The following DCLK2 variants were observed in gnomAD, a reference collection of about 807,000 sequenced individuals.
The protein encoded by DCLK2 is doublecortin like kinase 2.
In DCLK2, 31 loss-of-function variants were observed where a neutral mutation model predicts 78.4. That is an observed-to-expected ratio of 0.40 (90% CI 0.30 to 0.53). DCLK2 has a LOEUF of 0.53. DCLK2 is among the 20% of genes least tolerant of loss of function. DCLK2 has a pLI of 0.61. For synonymous variants in DCLK2, 407 were observed against 374.9 expected (o/e 1.09, Z -0.99); for missense variants, 872 against 973.7 (o/e 0.90, Z 1.39).
intron 2 of DCLK2, among the ~76,000 whole-genome samples, chr4:150,181,994 T>G (rs76789358): frequency 0.021 from 3,177 of 152,248 alleles, 108 homozygotes; most frequent in African/African-American, 0.072. Flanking sequence ...AAGGACCAAA[T>G]GATTTACCTT....
chr4:150,198,142 C>T lies in DCLK2; in HGVS notation c.961+39C>T, dbSNP rs368290083. 6 of 1,540,296 alleles carry T rather than the reference C, an allele frequency of 3.9e-6. No homozygotes were observed. In the Admixed American group the frequency reaches 9.2e-5, roughly 24 times the overall value. ...AAGGAATAGATGGTCATAGCAGGAACAGATCATTTTCCTTCTGTTTTCTCT... is the reference window on the plus strand; with the variant it reads ...AAGGAATAGATGGTCATAGCAGGAATAGATCATTTTCCTTCTGTTTTCTCT... On this transcript the variant is annotated intron_variant, in intron 4 of 15. Coordinates refer to ENST00000296550, the MANE Select transcript of DCLK2 (RefSeq NM_001040260.4).
At chr4:150,226,631 A>T (rs1741639530) in intron 8 of DCLK2, among the ~76,000 whole-genome samples, 1 of 152,206 alleles carries the variant, frequency 6.6e-6, no homozygotes. Flanking sequence ...CAAAAAATTT[A>T]CACTAAGGGC....
intron 2 of DCLK2, among the ~76,000 whole-genome samples, chr4:150,191,802 A>G (rs72967244): frequency 0.022 from 3,289 of 152,304 alleles, 107 homozygotes; most frequent in African/African-American, 0.07. Context: ...GACCTGAGCC[A>G]TCTACATTGT....
chr4:150,251,871 T>C (rs1744185537), intron 15 of DCLK2, among the ~76,000 whole-genome samples: 1 of 151,518 alleles, frequency 6.6e-6, no homozygotes, highest in African/African-American at 2.4e-5. Flanking sequence ...GCTGCGTTTA[T>C]GTGGCCACCC....
At chr4:150,125,308 C>T (rs567135230) in intron 2 of DCLK2, among the ~76,000 whole-genome samples, 1 of 152,262 alleles carries the variant, frequency 6.6e-6, no homozygotes, top group East Asian at 1.9e-4. Context: ...AGTTTTACCA[C>T]TCTATAATTA....
At chr4:150,148,339 TGGGCAA>T (rs1734627955) in intron 2 of DCLK2, among the ~76,000 whole-genome samples, 1 of 148,322 alleles carries the variant, frequency 6.7e-6, no homozygotes, top group Non-Finnish European at 1.5e-5. Flanking sequence ...CACTCCAGCC[TGGGCAA>T]CACAGCAAGA....
At chr4:150,130,580 T>TGGA (rs771231192) in intron 2 of DCLK2, among the ~76,000 whole-genome samples, 24 of 151,986 alleles carry the variant, frequency 1.6e-4, no homozygotes, top group Non-Finnish European at 3.4e-4. Flanking sequence ...GGGAGAAATT[T>TGGA]GGAGATGGAG....
intron 2 of DCLK2, 97 bp from the exon 3 acceptor site, chr4:150,193,041 A>C (rs1738586044): frequency 1.4e-6 from 1 of 735,404 alleles, no homozygotes; most frequent in Non-Finnish European, 2.3e-6. Flanking sequence ...TTCCACTTCA[A>C]TACTTAAAAT....
At chr4:150,192,599 CTGG>C (rs1336923975) in intron 2 of DCLK2, among the ~76,000 whole-genome samples, 1 of 151,820 alleles carries the variant, frequency 6.6e-6, no homozygotes, top group Non-Finnish European at 1.5e-5. Flanking sequence ...CTTGATAATG[CTGG>C]TGGTAGGGAT....
intron 2 of DCLK2, among the ~76,000 whole-genome samples, chr4:150,153,380 C>A (rs7662296): frequency 0.35 from 53,404 of 151,570 alleles, 9,954 homozygotes; most frequent in African/African-American, 0.49. Context: ...CAGCCTTGAT[C>A]CCTATTTGTG....
chr4:150,126,698 T>C (rs1420990840), intron 2 of DCLK2, among the ~76,000 whole-genome samples: 1 of 152,230 alleles, frequency 6.6e-6, no homozygotes, highest in African/African-American at 2.4e-5. Context: ...ATGCCCTCCA[T>C]CCAGCCTCCC....
chr4:150,224,044 G>C (rs1226577972), intron 7 of DCLK2, among the ~76,000 whole-genome samples: 1 of 151,996 alleles, frequency 6.6e-6, no homozygotes, highest in African/African-American at 2.4e-5. Flanking sequence ...TTTACATATA[G>C]AAAAACTATT....
intron 5 of DCLK2, among the ~76,000 whole-genome samples, chr4:150,219,645 G>A (rs966937502): frequency 6.6e-6 from 1 of 152,190 alleles, no homozygotes; most frequent in Non-Finnish European, 1.5e-5. Context: ...TTAGTGTTAC[G>A]TGTCAGAGAC....
intron 2 of DCLK2, among the ~76,000 whole-genome samples, chr4:150,110,531 C>A (rs560088948): frequency 6.6e-6 from 1 of 151,772 alleles, no homozygotes; most frequent in South Asian, 2.1e-4. Flanking sequence ...TTTTTGGTTA[C>A]ATGGATGAAT....
At position 150,102,521 on chromosome 4, in the gene DCLK2, C is replaced by A. The variant is rs183714103; in HGVS notation, c.465C>A (p.Val155=). ...VCASNEPFRK[V]DYTKNINPNW... ...CATCCAATGAACCATTTCGTAAAGT[C>A]GATTACACCAAAAATATTAATCCAA... The change falls in exon 2 of 16, where the codon GTC becomes GTA. Residue 155 remains valine (V), a synonymous_variant. Coordinates refer to ENST00000296550, the MANE Select transcript of DCLK2 (RefSeq NM_001040260.4). 694 of 1,614,000 alleles carry A rather than the reference C, an allele frequency of 4.3e-4. 4 individuals are homozygous for A. The Middle Eastern group carries it at 8.1e-3, about 19-fold the overall frequency.
At chr4:150,235,099 G>A (rs552315920) in intron 10 of DCLK2, among the ~76,000 whole-genome samples, 1 of 152,232 alleles carries the variant, frequency 6.6e-6, no homozygotes, top group African/African-American at 2.4e-5. Flanking sequence ...GGAGCCACAG[G>A]TTCCCAAGGA....
At chr4:150,132,403 C>A (rs1733381208) in intron 2 of DCLK2, among the ~76,000 whole-genome samples, 1 of 152,184 alleles carries the variant, frequency 6.6e-6, no homozygotes, top group South Asian at 2.1e-4. Context: ...ATGCAGAATG[C>A]AGTGTAGAGA....
chr4:150,200,273 C>T (rs1739358136), intron 4 of DCLK2, among the ~76,000 whole-genome samples: 1 of 152,074 alleles, frequency 6.6e-6, no homozygotes, highest in South Asian at 2.1e-4. Context: ...AAATTAAGTC[C>T]ACATTTGGAT....
chr4:150,239,196 T>G (rs989795439), intron 10 of DCLK2, among the ~76,000 whole-genome samples: 2 of 152,204 alleles, frequency 1.3e-5, no homozygotes, highest in African/African-American at 4.8e-5. Context: ...GAAGGAACTT[T>G]CTGCAAAAGT....
Sources: gnomAD v4.1 joint callset for allele counts (sites outside exome capture counted in the v4.1 genomes callset) on GRCh38, gnomAD v4.1.1 for gene constraint, MANE v1.5 for transcripts, NCBI Gene and HGNC (gene_info 2026-07-23, HGNC 2026-07-21) for gene names.